The following CBFA2T2 variants were observed in gnomAD, a reference collection of about 807,000 sequenced individuals.
CBFA2T2 encodes protein CBFA2T2.
A neutral mutation model predicts 62.2 loss-of-function variants in CBFA2T2; 11 were observed. The observed-to-expected ratio is 0.18, with a 90% CI of 0.11 to 0.29. The LOEUF (loss-of-function observed/expected upper bound fraction) is 0.29. Ranked by LOEUF, CBFA2T2 falls within the 10% of genes least tolerant of loss-of-function variation. The probability of loss-of-function intolerance (pLI) is 1.00; values close to 1 mark genes in which losing one functional copy is unlikely to be tolerated. For missense variants in CBFA2T2, 592 were observed against 774.1 expected (o/e 0.76, Z 2.79); for synonymous variants, 295 against 287.5 (o/e 1.03, Z -0.27).
chr20:33,491,178 A>C lies in CBFA2T2; in HGVS notation c.34+877A>C, dbSNP rs567849292. On this transcript the variant is annotated intron_variant, in intron 1 of 10. Coordinates refer to ENST00000342704, the MANE Select transcript of CBFA2T2 (RefSeq NM_001032999.3). Reference sequence around the variant, plus strand: ...TTAATTGTTTTTCATTATTGTAATTATAATAGCCAACATTTTTTTGAGCAC... The same window carrying C: ...TTAATTGTTTTTCATTATTGTAATTCTAATAGCCAACATTTTTTTGAGCAC... Among the ~76,000 whole-genome samples the C allele has an allele frequency of 1.1e-4, 16 of 152,288 alleles. No individual in the cohort carries two copies. In the South Asian group the frequency reaches 3.3e-3, roughly 32 times the overall value.
chr20:33,558,644 A>G (rs1038920800), intron 1 of CBFA2T2, among the ~76,000 whole-genome samples: 4 of 152,140 alleles, frequency 2.6e-5, no homozygotes, highest in African/African-American at 9.7e-5. Context: ...TGGGTAAAGC[A>G]TGATTCATTA....
At chr20:33,606,575 G>T (rs1367589638) in intron 1 of CBFA2T2, among the ~76,000 whole-genome samples, 2 of 152,108 alleles carry the variant, frequency 1.3e-5, no homozygotes, top group Non-Finnish European at 2.9e-5. Context: ...GTGTATAGAT[G>T]TGTCACTCTA....
At chr20:33,500,272 T>A (rs1310807683) in intron 1 of CBFA2T2, among the ~76,000 whole-genome samples, 1 of 152,112 alleles carries the variant, frequency 6.6e-6, no homozygotes, top group Non-Finnish European at 1.5e-5. Flanking sequence ...CACTTTTTTT[T>A]AACCCTCTAT....
chr20:33,524,790 T>C (rs1425222741), intron 1 of CBFA2T2, among the ~76,000 whole-genome samples: 1 of 152,122 alleles, frequency 6.6e-6, no homozygotes, highest in African/African-American at 2.4e-5. Flanking sequence ...GAAAAGAAAA[T>C]GTATATATGT....
chr20:33,554,816 A>G (rs1158649869), intron 1 of CBFA2T2, among the ~76,000 whole-genome samples: 4 of 151,926 alleles, frequency 2.6e-5, no homozygotes, highest in Admixed American at 6.6e-5. Flanking sequence ...AGATGTCTGC[A>G]TCTCAAGTGT....
At chr20:33,598,554 C>T (rs768566120) in intron 1 of CBFA2T2, among the ~76,000 whole-genome samples, 1 of 152,084 alleles carries the variant, frequency 6.6e-6, no homozygotes, top group Admixed American at 6.5e-5. Context: ...GTTCTTTTTT[C>T]AAGGTGCCCA....
At chr20:33,571,127 C>G (rs1009857562) in intron 1 of CBFA2T2, among the ~76,000 whole-genome samples, 5 of 152,208 alleles carry the variant, frequency 3.3e-5, no homozygotes, top group African/African-American at 1.2e-4. Context: ...GCCTTTCCAT[C>G]CAAGGGAACC....
Position 33,517,770 on chromosome 20 carries a change from G to A in CBFA2T2, c.34+27469G>A, listed in dbSNP as rs1205876345. Among the ~76,000 whole-genome samples, 12 of 147,754 alleles carry A rather than the reference G, an allele frequency of 8.1e-5. No homozygotes were observed. The South Asian group carries it at 1.7e-3, about 21-fold the overall frequency. ...AGCAATTCTCCTGACTCAGCCTCCC[G>A]AGTAGCTTGTTCTACAGGTGTGTGC... On this transcript the variant is annotated intron_variant, in intron 1 of 10. Coordinates refer to ENST00000342704, the MANE Select transcript of CBFA2T2 (RefSeq NM_001032999.3).
chr20:33,573,314 A>C (rs2013654752), intron 1 of CBFA2T2, among the ~76,000 whole-genome samples: 1 of 152,122 alleles, frequency 6.6e-6, no homozygotes, highest in African/African-American at 2.4e-5. Context: ...GCTAAGGAGA[A>C]AGGGAAAGGG....
At chr20:33,492,693 T>C (rs2011156970) in intron 1 of CBFA2T2, among the ~76,000 whole-genome samples, 1 of 151,966 alleles carries the variant, frequency 6.6e-6, no homozygotes, top group African/African-American at 2.4e-5. Context: ...TTATTTTTTG[T>C]AGAGATGGGG....
Position 33,648,802 on chromosome 20 carries a change from G to C in CBFA2T2, c.*4156G>C, listed in dbSNP as rs554168465. 6.6e-6 allele frequency: 1 copy of C among 152,348 alleles called. No homozygotes were observed. The highest frequency in any genetic ancestry group is 1.9e-4 in the East Asian group (1 of 5,182). The allele number at this position is 152,348 out of a possible 1,614,324, so 9.4% of individuals were successfully genotyped here. ...AGAAGGTCACCAGGAGTTCATCACTGCTTAGTGTCAACTTGACATCTTCAG... is the reference window on the plus strand; with the variant it reads ...AGAAGGTCACCAGGAGTTCATCACTCCTTAGTGTCAACTTGACATCTTCAG... On this transcript the variant is annotated 3_prime_UTR_variant, in exon 11 of 11. Coordinates refer to ENST00000342704, the MANE Select transcript of CBFA2T2 (RefSeq NM_001032999.3).
intron 1 of CBFA2T2, among the ~76,000 whole-genome samples, chr20:33,493,881 G>GT (rs1205502855): frequency 4.0e-5 from 6 of 151,774 alleles, no homozygotes; most frequent in East Asian, 3.9e-4. Context: ...TTTATTTTTT[G>GT]TTTTTTTATG....
rs369141975 is a variant in CBFA2T2 at position 33,603,896 on chromosome 20, C to A, written c.35-3060C>A. On this transcript the variant is annotated intron_variant, in intron 1 of 10. Transcript: ENST00000342704. ...ATAGCCTTCTTCCTACAGGGACTTA[C>A]TATAATCCTGTGACCCCAGGCAGAG... Among the ~76,000 whole-genome samples the A allele has an allele frequency of 1.2e-4, 19 of 152,288 alleles. 1 individual carries two copies. In the South Asian group the frequency reaches 3.7e-3, roughly 30 times the overall value.
At chr20:33,523,451 A>G (rs1338990017) in intron 1 of CBFA2T2, among the ~76,000 whole-genome samples, 1 of 151,878 alleles carries the variant, frequency 6.6e-6, no homozygotes, top group African/African-American at 2.4e-5. Flanking sequence ...TACAGAGTCT[A>G]TCTTAATTAA....
chr20:33,624,808 C>T lies in CBFA2T2; in HGVS notation c.737C>T (p.Pro246Leu). The T allele has an allele frequency of 1.2e-6, 2 of 1,614,152 alleles. No individual in the cohort carries two copies. Among genetic ancestry groups the T allele is most frequent in the Non-Finnish European group, 1.7e-6 (2 of 1,180,000 alleles). ...GATAGAGACACAATTGCTCCTGAGC[C>T]TCCTGCCAAGAGAGTATGTACCATC... ...SFDRDTIAPE[P>L]PAKRVCTISP... Residue 246 changes from proline to leucine, a missense_variant, in exon 6 of 11, where the codon CCT (proline) becomes CTT (leucine). Pro to Leu is a moderately conservative substitution (Grantham distance 98, BLOSUM62 -3). Coordinates refer to ENST00000342704, the MANE Select transcript of CBFA2T2 (RefSeq NM_001032999.3).
chr20:33,611,361 C>T, intron 3 of CBFA2T2, 26 bp downstream of exon 3: 1 of 1,608,442 alleles, frequency 6.2e-7, no homozygotes, highest in Admixed American at 1.7e-5. Flanking sequence ...CTGTTGTTCT[C>T]AGCTGCCTGA....
Position 33,648,449 on chromosome 20 carries a change from G to A in CBFA2T2, c.*3803G>A, listed in dbSNP as rs2017126668. On this transcript the variant is annotated 3_prime_UTR_variant, in exon 11 of 11. Transcript: ENST00000342704. ...TTTCACGTCTTTGCTTGTCCTTTTT[G>A]TCCCCACTTGCCTGCACCGTGCCTG... 1 of 152,248 alleles carries A rather than the reference G, an allele frequency of 6.6e-6. No individual in the cohort carries two copies. The highest frequency in any genetic ancestry group is 2.4e-5 in the African/African-American group (1 of 41,422). The allele number at this position is 152,248 out of a possible 1,614,324, so 9.4% of individuals were successfully genotyped here.
rs571123603 is a variant in CBFA2T2, at chr20:33,518,932, C to T, written c.34+28631C>T. ...CGTCTCCCGGGTTCAAGCGATTCTC[C>T]TCCCTCAGCCTCCCAAGCAACTGGG... On this transcript the variant is annotated intron_variant, in intron 1 of 10. Coordinates refer to ENST00000342704, the MANE Select transcript of CBFA2T2 (RefSeq NM_001032999.3). Among the ~76,000 whole-genome samples, 20 of 152,060 alleles carry T rather than the reference C, an allele frequency of 1.3e-4. No homozygotes were observed. In the East Asian group the frequency reaches 1.6e-3, roughly 12 times the overall value.
chr20:33,518,833 T>G (rs2011651286), intron 1 of CBFA2T2, among the ~76,000 whole-genome samples: 1 of 152,008 alleles, frequency 6.6e-6, no homozygotes. Flanking sequence ...TTTCTCTTCT[T>G]TTTTTTGAGA....
Sources: allele counts gnomAD v4.1 joint callset (sites outside exome capture counted in the v4.1 genomes callset), GRCh38; gene constraint gnomAD v4.1.1; transcripts MANE v1.5; gene names NCBI Gene and HGNC (gene_info 2026-07-23, HGNC 2026-07-21).